Variants in GRID2 observed in about 807,000 individuals in gnomAD.
The protein encoded by GRID2 is glutamate ionotropic receptor delta type subunit 2, also known as glutamate receptor ionotropic, delta-2.
A neutral mutation model predicts 114.8 loss-of-function variants in GRID2; 33 were observed. That is an observed-to-expected ratio of 0.29 (90% confidence interval 0.22 to 0.38). GRID2 has a LOEUF of 0.38. Ranked by LOEUF, GRID2 falls within the 10% of genes least tolerant of loss-of-function variation. The pLI is 1.00. For missense variants in GRID2, 1,184 were observed against 1,257.7 expected (o/e 0.94, Z 0.89); for synonymous variants, 505 against 449.9 (o/e 1.12, Z -1.55).
intron 1 of GRID2, among the ~76,000 whole-genome samples, chr4:92,505,918 A>T (rs1408070172): frequency 6.6e-6 from 1 of 152,108 alleles, no homozygotes; most frequent in East Asian, 1.9e-4. Context: ...TTTGAGATCA[A>T]GAATTATAGA....
intron 13 of GRID2, among the ~76,000 whole-genome samples, chr4:93,526,007 T>A (rs182852453): frequency 1.5e-3 from 235 of 152,334 alleles, no homozygotes; most frequent in African/African-American, 4.2e-3. Context: ...ATATATTTTT[T>A]AAAAATTTTC....
At chr4:92,965,198 T>G (rs1030419843) in intron 2 of GRID2, among the ~76,000 whole-genome samples, 2 of 151,784 alleles carry the variant, frequency 1.3e-5, no homozygotes, top group Admixed American at 6.6e-5. Context: ...TCAGAACACA[T>G]GTGGTGTTTA....
chr4:93,662,002 C>A (rs1014289723), intron 14 of GRID2, among the ~76,000 whole-genome samples: 1 of 152,176 alleles, frequency 6.6e-6, no homozygotes, highest in Non-Finnish European at 1.5e-5. Flanking sequence ...CTCCTGACAT[C>A]ACTTCTTCCA....
intron 1 of GRID2, among the ~76,000 whole-genome samples, chr4:92,337,721 C>T (rs1727261332): frequency 6.6e-6 from 1 of 152,140 alleles, no homozygotes; most frequent in African/African-American, 2.4e-5. Flanking sequence ...CACCTCCCAC[C>T]AGGTCTCTCC....
At chr4:93,733,713 A>G (rs1730684540) in intron 14 of GRID2, among the ~76,000 whole-genome samples, 1 of 152,050 alleles carries the variant, frequency 6.6e-6, no homozygotes, top group Non-Finnish European at 1.5e-5. Flanking sequence ...CGTGATCAAA[A>G]AGTAACCACA....
rs78949050 is a variant in GRID2, at chr4:93,652,994, A to G, written c.2360+26559A>G. Among the ~76,000 whole-genome samples, 163 of 152,190 alleles carry G rather than the reference A, an allele frequency of 1.1e-3. 4 individuals are homozygous for G. The East Asian group carries it at 0.031, about 29-fold the overall frequency. On this transcript the variant is annotated intron_variant, in intron 14 of 15. Transcript: ENST00000282020. Reference sequence around the variant, plus strand: ...TCAATCCTGAGCATGAAGGGATGCCACCAGAGGTTTTTAAGTGAGATTGAA... The same window carrying G: ...TCAATCCTGAGCATGAAGGGATGCCGCCAGAGGTTTTTAAGTGAGATTGAA...
rs139706198 is a variant in GRID2 at position 92,457,388 on chromosome 4, T to C, written c.89-132743T>C. Among the ~76,000 whole-genome samples the C allele has an allele frequency of 1.7e-4, 26 of 152,262 alleles. No individual in the cohort carries two copies. In the East Asian group the frequency reaches 4.1e-3, roughly 24 times the overall value. Reference sequence around the variant, plus strand: ...CTTGAAGGCAAAGTTTATCTCTGAGTCATTTGGCTTAGTACCTTGCATAGT... The same window carrying C: ...CTTGAAGGCAAAGTTTATCTCTGAGCCATTTGGCTTAGTACCTTGCATAGT... On this transcript the variant is annotated intron_variant, in intron 1 of 15. Coordinates refer to ENST00000282020, the MANE Select transcript of GRID2 (RefSeq NM_001510.4).
chr4:92,657,962 C>G (rs1560515824), intron 2 of GRID2, among the ~76,000 whole-genome samples: 2 of 151,776 alleles, frequency 1.3e-5, no homozygotes, highest in Non-Finnish European at 3.0e-5. Flanking sequence ...GACACAATTT[C>G]TGTAAATTTT....
intron 4 of GRID2, among the ~76,000 whole-genome samples, chr4:93,145,649 T>C (rs1199020087): frequency 1.7e-5 from 2 of 119,182 alleles, no homozygotes; most frequent in Admixed American, 8.8e-5. Flanking sequence ...TTTTCCTTTT[T>C]TTTTTTTTTT....
At position 92,698,537 on chromosome 4, in the gene GRID2, A is replaced by T. The variant is rs1350228021; in HGVS notation, c.244+108251A>T. On this transcript the variant is annotated intron_variant, in intron 2 of 15. Coordinates refer to ENST00000282020, the MANE Select transcript of GRID2 (RefSeq NM_001510.4). ...GAGGGTCATATTATGACTTAACTGTATATAATATATGCTCTTTATGGATTT... is the reference window on the plus strand; with the variant it reads ...GAGGGTCATATTATGACTTAACTGTTTATAATATATGCTCTTTATGGATTT... Among the ~76,000 whole-genome samples the T allele has an allele frequency of 2.6e-5, 4 of 152,102 alleles. No individual in the cohort carries two copies. The East Asian group carries it at 7.7e-4, about 29-fold the overall frequency.
At chr4:93,232,044 T>G (rs1246322290) in intron 7 of GRID2, among the ~76,000 whole-genome samples, 1 of 152,278 alleles carries the variant, frequency 6.6e-6, no homozygotes, top group Non-Finnish European at 1.5e-5. Flanking sequence ...TCTATTAGAC[T>G]AAATCATTTG....
At chr4:92,391,750 A>G (rs1730247993) in intron 1 of GRID2, among the ~76,000 whole-genome samples, 1 of 152,220 alleles carries the variant, frequency 6.6e-6, no homozygotes, top group Admixed American at 6.5e-5. Context: ...TGATCTTTTT[A>G]GGTCCAACCC....
intron 2 of GRID2, chr4:92,702,524 A>G (rs1470924697): frequency 6.6e-6 from 1 of 152,018 alleles, no homozygotes; most frequent in Non-Finnish European, 1.5e-5. Flanking sequence ...AAGAGACCCT[A>G]AAACCCTCAT....
At chr4:92,646,632 T>G (rs190657865) in intron 2 of GRID2, among the ~76,000 whole-genome samples, 6 of 152,364 alleles carry the variant, frequency 3.9e-5, no homozygotes, top group African/African-American at 1.2e-4. Context: ...GCTAACAGTT[T>G]AATCCTTTTG....
intron 1 of GRID2, among the ~76,000 whole-genome samples, chr4:92,564,082 T>A (rs750277274): frequency 5.3e-5 from 8 of 152,060 alleles, no homozygotes; most frequent in African/African-American, 1.9e-4. Context: ...ATGGATTATG[T>A]CACATTTTAT....
chr4:93,179,369 G>A (rs1739668418), intron 4 of GRID2, among the ~76,000 whole-genome samples: 1 of 152,156 alleles, frequency 6.6e-6, no homozygotes, highest in African/African-American at 2.4e-5. Context: ...AATACAGAAG[G>A]TTAAAAATCA....
At chr4:93,788,030 C>T (rs1016177290) in intron 1 of GRID2, among the ~76,000 whole-genome samples, 5 of 152,006 alleles carry the variant, frequency 3.3e-5, no homozygotes, top group African/African-American at 9.7e-5. Flanking sequence ...CAATGTAACG[C>T]CTAAGGCTGG....
intron 2 of GRID2, among the ~76,000 whole-genome samples, chr4:92,877,278 C>T (rs1745699537): frequency 1.3e-5 from 2 of 152,194 alleles, no homozygotes; most frequent in Admixed American, 6.5e-5. Context: ...TTCAAAGGTT[C>T]ATTCTGCCTT....
At chr4:93,680,394 T>C (rs1227500126) in intron 14 of GRID2, among the ~76,000 whole-genome samples, 3 of 151,474 alleles carry the variant, frequency 2.0e-5, no homozygotes, top group South Asian at 2.1e-4. Context: ...TTCCAATCAA[T>C]AGAAAAAGAG....
Sources: gnomAD v4.1 joint callset for allele counts (sites outside exome capture counted in the v4.1 genomes callset) on GRCh38, gnomAD v4.1.1 for gene constraint, MANE v1.5 for transcripts, NCBI Gene and HGNC (gene_info 2026-07-23, HGNC 2026-07-21) for gene names.